The following EDARADD variants were observed in gnomAD, a reference collection of about 807,000 sequenced individuals.
EDARADD encodes the protein EDAR associated via death domain, also known as ectodysplasin-A receptor-associated adapter protein.
EDARADD carries 20 observed loss-of-function variants against 25.6 expected under a neutral mutation model. The ratio of observed to expected loss-of-function variants is 0.78; its 90% CI spans 0.55 to 1.14. The LOEUF is 1.14. EDARADD is among the 50% of genes most tolerant of loss of function. The pLI, the probability that EDARADD is intolerant of heterozygous loss-of-function variation, is 0.00. For missense variants in EDARADD, 225 were observed against 270.1 expected, an observed-to-expected ratio of 0.83 and a Z score of 1.17; for synonymous variants, 86 against 94.4, an observed-to-expected ratio of 0.91 and a Z score of 0.52.
chr1:236,348,930 A>T (rs1208292088), exon 2 of EDARADD: 1 of 152,148 alleles, frequency 6.6e-6, no homozygotes, highest in Admixed American at 6.6e-5. Context: ...GGTTGCCTAC[A>T]GCTTCCTACT....
At chr1:236,470,903 C>A (rs962728894) in intron 5 of EDARADD, among the ~76,000 whole-genome samples, 2 of 152,116 alleles carry the variant, frequency 1.3e-5, no homozygotes, top group Non-Finnish European at 2.9e-5. Flanking sequence ...CCACCACACC[C>A]GGTTAATTTT....
At chr1:236,370,948 AAAG>A (rs1381033914) in intron 3 of EDARADD, among the ~76,000 whole-genome samples, 1 of 152,240 alleles carries the variant, frequency 6.6e-6, no homozygotes, top group African/African-American at 2.4e-5. Context: ...ACCCAGGAAT[AAAG>A]AAGGACAGCT....
chr1:236,456,070 T>A (rs1258458425), intron 4 of EDARADD, among the ~76,000 whole-genome samples: 4 of 152,182 alleles, frequency 2.6e-5, no homozygotes. Flanking sequence ...ATTATAGGCG[T>A]GAGCCACCGC....
At chr1:236,452,507 T>C (rs748613063) in intron 4 of EDARADD, among the ~76,000 whole-genome samples, 3,801 of 150,666 alleles carry the variant, frequency 0.025, 65 homozygotes, top group Middle Eastern at 0.089. Context: ...CCCCCCTCTC[T>C]CTCTCTCTTT....
chr1:236,405,030 A>G (rs1349071954), intron 1 of EDARADD, among the ~76,000 whole-genome samples: 1 of 151,406 alleles, frequency 6.6e-6, no homozygotes, highest in African/African-American at 2.4e-5. Flanking sequence ...GGAGGCGGAG[A>G]TTGGAGTGAG....
In EDARADD at chr1:236,414,050, T is replaced by C. The variant is rs16833652; in HGVS notation, c.121-210T>C. On this transcript the variant is annotated intron_variant, in intron 2 of 5. Coordinates refer to ENST00000334232, the MANE Select transcript of EDARADD (RefSeq NM_145861.4). The stretch of plus-strand genomic sequence containing the variant: ...AATTTGGAAGCCTTATTCTGTTTCA[T>C]GTTCCAGCATTAACCTCTTGTCAAC... Among the ~76,000 whole-genome samples, 6,491 of 152,330 alleles carry C rather than the reference T, an allele frequency of 0.043. 350 individuals are homozygous for C. Among genetic ancestry groups the C allele is most frequent in the African/African-American group, 0.13 (5,445 of 41,564 alleles).
At chr1:236,477,828 C>T (rs539178594) in intron 5 of EDARADD, among the ~76,000 whole-genome samples, 9 of 152,218 alleles carry the variant, frequency 5.9e-5, no homozygotes, top group East Asian at 5.8e-4. Context: ...AATGACCGGG[C>T]GCGGTGGCTC....
chr1:236,457,455 T>C (rs1234540124), intron 4 of EDARADD, among the ~76,000 whole-genome samples: 1 of 151,534 alleles, frequency 6.6e-6, no homozygotes, highest in Non-Finnish European at 1.5e-5. Context: ...GCGGAGGTCA[T>C]AGTGAGCCAA....
chr1:236,409,083 A>G (rs1667789624), intron 1 of EDARADD, 133 bp from the exon 2 acceptor site: 1 of 504,382 alleles, frequency 2.0e-6, no homozygotes, highest in Non-Finnish European at 3.4e-6. Flanking sequence ...AAAAAAAAAA[A>G]AAAAGGAGTA....
chr1:236,371,590 A>G (rs1221911839), intron 3 of EDARADD, among the ~76,000 whole-genome samples: 1 of 141,556 alleles, frequency 7.1e-6, no homozygotes, highest in African/African-American at 2.6e-5. Flanking sequence ...TTTTTTTGAG[A>G]TGGAGTTTTG....
intron 4 of EDARADD, among the ~76,000 whole-genome samples, chr1:236,441,945 C>T (rs1409252012): frequency 6.6e-6 from 1 of 151,986 alleles, no homozygotes; most frequent in East Asian, 1.9e-4. Context: ...AAGTCATCTC[C>T]GTAACATAAA....
intron 4 of EDARADD, among the ~76,000 whole-genome samples, chr1:236,460,820 G>GTTT (rs35583604): frequency 1.5e-4 from 22 of 147,736 alleles, no homozygotes; most frequent in Admixed American, 1.4e-4. Flanking sequence ...GTTTTGTGGG[G>GTTT]TTTTTTTTTT....
At chr1:236,421,708 A>ATCCTCT (rs1657790968) in intron 3 of EDARADD, among the ~76,000 whole-genome samples, 1 of 151,676 alleles carries the variant, frequency 6.6e-6, no homozygotes, top group Non-Finnish European at 1.5e-5. Context: ...ATGTTAACCT[A>ATCCTCT]ACCTCTAACT....
At chr1:236,356,063 T>C (rs1255789622) in intron 3 of EDARADD, among the ~76,000 whole-genome samples, 1 of 152,202 alleles carries the variant, frequency 6.6e-6, no homozygotes, top group Non-Finnish European at 1.5e-5. Flanking sequence ...ATCAGACTCC[T>C]GAGACTGGAT....
At position 236,421,489 on chromosome 1, in the gene EDARADD, C is replaced by CTT. The variant is rs34922732; in HGVS notation, c.161-5878_161-5877dup. 1.8e-3 allele frequency among the ~76,000 whole-genome samples: 133 copies of CTT among 75,442 alleles called. 12 individuals carry two copies. The highest frequency in any genetic ancestry group is 3.3e-3 in the African/African-American group (72 of 21,668). 49.5% of individuals were successfully genotyped at this position (75,442 alleles called of 152,430 possible). A position where few individuals can be genotyped will look rare whatever the true frequency, so the allele number is the denominator to read the frequency against. On this transcript the variant is annotated intron_variant, in intron 3 of 5. Coordinates refer to ENST00000334232, the MANE Select transcript of EDARADD (RefSeq NM_145861.4). ...TAGGCCATTCAAGACCTTCCCAGTTCTTTTTTTTTTTTTTTTTTTTTTTTT... is the reference window on the plus strand; with the variant it reads ...TAGGCCATTCAAGACCTTCCCAGTTCTTTTTTTTTTTTTTTTTTTTTTTTTTT...
rs780289873 is a variant in EDARADD, at chr1:236,482,253, G to T, written c.266-14G>T. On this transcript the variant is annotated splice_polypyrimidine_tract_variant and intron_variant, in intron 5 of 5. Transcript: ENST00000334232. ...CTCTTGTTGACCTGTGGACTAAATT[G>T]TTTCTCCCTGCAGAGATCAGCAAGG... The T allele has an allele frequency of 6.8e-5, 109 of 1,613,918 alleles. No homozygotes were observed. Among genetic ancestry groups the T allele is most frequent in the Non-Finnish European group, 8.8e-5 (104 of 1,179,982 alleles).
At chr1:236,411,490 CTCT>C (rs540950294) in intron 2 of EDARADD, among the ~76,000 whole-genome samples, 33 of 151,692 alleles carry the variant, frequency 2.2e-4, no homozygotes, top group African/African-American at 8.0e-4. Flanking sequence ...TGTGTCTCGT[CTCT>C]TCTTCTCCTT....
chr1:236,470,589 G>A (rs1415694294), intron 5 of EDARADD, among the ~76,000 whole-genome samples: 1 of 152,104 alleles, frequency 6.6e-6, no homozygotes, highest in Non-Finnish European at 1.5e-5. Context: ...AACCACCAGA[G>A]TGTGGGTTTT....
chr1:236,405,782 TTTC>T (rs1285709912), intron 1 of EDARADD, among the ~76,000 whole-genome samples: 10 of 39,022 alleles, frequency 2.6e-4, no homozygotes, highest in African/African-American at 5.4e-4. Flanking sequence ...TCTTTCTTTC[TTTC>T]TTTCTTTTCT....
Sources: gnomAD v4.1 joint callset for allele counts (sites outside exome capture counted in the v4.1 genomes callset) on GRCh38, gnomAD v4.1.1 for gene constraint, MANE v1.5 for transcripts, NCBI Gene and HGNC (gene_info 2026-07-23, HGNC 2026-07-21) for gene names.